AVEN: variants seen among roughly 807,000 people sequenced by gnomAD.
AVEN encodes apoptosis and caspase activation inhibitor.
In AVEN, 41 loss-of-function variants were observed where a neutral mutation model predicts 38.1. The observed-to-expected ratio is 1.08, with a 90% CI of 0.84 to 1.40. The LOEUF (loss-of-function observed/expected upper bound fraction) is 1.40. AVEN is among the 40% of genes most tolerant of loss of function. The pLI, the probability that AVEN is intolerant of heterozygous loss-of-function variation, is 0.00. For missense variants in AVEN, 605 were observed against 438.8 expected, an observed-to-expected ratio of 1.38 and a Z score of -3.38; for synonymous variants, 206 against 171.8, an observed-to-expected ratio of 1.20 and a Z score of -1.56.
intron 2 of AVEN, among the ~76,000 whole-genome samples, chr15:33,931,526 A>G (rs1275840520): frequency 6.6e-6 from 1 of 151,706 alleles, no homozygotes; most frequent in East Asian, 1.9e-4. Flanking sequence ...ACCCGCCACC[A>G]CACCCAGCTA....
At chr15:34,057,529 G>T (rs910147888) in intron 5 of AVEN, among the ~76,000 whole-genome samples, 1 of 152,074 alleles carries the variant, frequency 6.6e-6, no homozygotes, top group Non-Finnish European at 1.5e-5. Context: ...ATACAACATG[G>T]GTTATCTCAT....
rs776782194 is a variant in AVEN, at chr15:33,866,691, CATGTTTT to C, written c.1004_1010del (p.Lys335ArgfsTer24). The C allele has an allele frequency of 1.9e-6, 3 of 1,613,876 alleles. No individual in the cohort carries two copies. The East Asian group carries it at 6.7e-5, about 36-fold the overall frequency. On this transcript the variant is annotated frameshift_variant, in exon 6 of 6. Coordinates refer to ENST00000306730, the MANE Select transcript of AVEN (RefSeq NM_020371.3). LOFTEE classifies it high-confidence loss of function. ...TGGAGGTACTTGGTTGCTCAGGTTC[CATGTTTT>C]TTTCTTCAGTCACAGATGGTTTTGC...
At chr15:33,973,837 G>A (rs971678626) in intron 2 of AVEN, among the ~76,000 whole-genome samples, 1 of 152,224 alleles carries the variant, frequency 6.6e-6, no homozygotes, top group African/African-American at 2.4e-5. Flanking sequence ...ATCAGCAGAT[G>A]TGTTAAATGA....
At chr15:34,008,726 G>A (rs1218684519) in intron 1 of AVEN, among the ~76,000 whole-genome samples, 13 of 151,958 alleles carry the variant, frequency 8.6e-5, no homozygotes, top group Admixed American at 6.6e-4. Context: ...CTGACCTCGT[G>A]ATCTGCCCGC....
At position 34,063,740 on chromosome 15, in the gene AVEN, G is replaced by A. The variant is rs1385024940; in HGVS notation, n.1127-308C>T. 6.2e-7 allele frequency: 1 copy of A among 1,614,108 alleles called. No homozygotes were observed. Among genetic ancestry groups the A allele is most frequent in the African/African-American group, 1.3e-5 (1 of 74,932 alleles). ...CAGGGGAAGAATTCAGTGCTGAAGA[G>A]ACTGAGGAAACTTTTGTGAAAGCTG... On this transcript the variant is annotated intron_variant and non_coding_transcript_variant, in intron 4 of 11. Transcript: ENST00000675287. The surrounding 1 kb of genome is among the most constrained non-coding windows in gnomAD (Gnocchi z 4.1).
At chr15:33,857,992 C>T, downstream of AVEN, 1 of 1,577,278 alleles carries the variant, frequency 6.3e-7, no homozygotes, top group Admixed American at 1.7e-5. Flanking sequence ...GGAAGAAGGG[C>T]TGTGTGGGGG....
chr15:33,921,193 G>T (rs655501), intron 2 of AVEN, among the ~76,000 whole-genome samples: 87,137 of 152,056 alleles, frequency 0.57, 26,821 homozygotes, highest in East Asian at 0.78. Flanking sequence ...CAGTATTCAA[G>T]TATTTTAACA....
intron 2 of AVEN, among the ~76,000 whole-genome samples, chr15:33,954,353 G>T (rs1259938191): frequency 6.6e-6 from 1 of 152,110 alleles, no homozygotes; most frequent in Admixed American, 6.5e-5. Context: ...ACATGCACAC[G>T]TATGTTTATT....
At chr15:34,000,504 G>C (rs1897096766) in intron 2 of AVEN, among the ~76,000 whole-genome samples, 1 of 152,174 alleles carries the variant, frequency 6.6e-6, no homozygotes, top group South Asian at 2.1e-4. Flanking sequence ...GCAATATCTA[G>C]AAAAGTTTAT....
chr15:33,962,128 G>A (rs957928935), intron 2 of AVEN, among the ~76,000 whole-genome samples: 1 of 151,906 alleles, frequency 6.6e-6, no homozygotes, highest in African/African-American at 2.4e-5. Flanking sequence ...GTAAGTGGCA[G>A]AGACAGGAAA....
At chr15:33,878,217 G>A (rs1010389661) in intron 2 of AVEN, among the ~76,000 whole-genome samples, 1 of 152,000 alleles carries the variant, frequency 6.6e-6, no homozygotes, top group Non-Finnish European at 1.5e-5. Context: ...TAAAATATAT[G>A]AAACGAAGAT....
Position 33,922,364 on chromosome 15 carries a change from C to T in AVEN, c.446-46369G>A, listed in dbSNP as rs868793573. 8.5e-5 allele frequency among the ~76,000 whole-genome samples: 13 copies of T among 152,282 alleles called. No individual in the cohort carries two copies. The Middle Eastern group carries it at 0.01, about 120-fold the overall frequency. ...GGCTATCCTGTACCTGAGGACTACTCGTATTCCTGAACATTATTAGTAAAC... is the reference window on the plus strand; with the variant it reads ...GGCTATCCTGTACCTGAGGACTACTTGTATTCCTGAACATTATTAGTAAAC... On this transcript the variant is annotated intron_variant, in intron 2 of 5. Coordinates refer to ENST00000306730, the MANE Select transcript of AVEN (RefSeq NM_020371.3).
At position 33,867,802 on chromosome 15, in the gene AVEN, G is replaced by A; in HGVS notation, c.666C>T (p.Gly222=). ...CCTTTAACTGCATCCCTAATCCCTT[G>A]CCATCATCAGTTCTCTTTGGTTTCA... is the stretch of plus-strand genomic sequence containing the variant. ...PQVKPKRTDD[G]KGLGMQLKGP... Residue 222 remains glycine (G), a synonymous_variant, in exon 5 of 6, where the codon GGC becomes GGT. Transcript: ENST00000306730. 1 of 1,611,590 alleles carries A rather than the reference G, an allele frequency of 6.2e-7. No individual in the cohort carries two copies. The highest frequency in any genetic ancestry group is 8.5e-7 in the Non-Finnish European group (1 of 1,179,234).
exon 2 of AVEN, among the ~76,000 whole-genome samples, chr15:34,070,600 A>T (rs1297332394): frequency 3.9e-5 from 6 of 152,082 alleles, no homozygotes; most frequent in Non-Finnish European, 8.8e-5. Context: ...TTATGAAGTG[A>T]TCACTTGGAT....
At chr15:34,065,173 AC>A in intron 4 of AVEN, 1 of 154,858 alleles carries the variant, frequency 6.5e-6, no homozygotes. Flanking sequence ...GCCCATTTGA[AC>A]CCATTTATTT....
At position 33,920,878 on chromosome 15, in the gene AVEN, C is replaced by T. The variant is rs565198482; in HGVS notation, c.446-44883G>A. 7.9e-5 allele frequency among the ~76,000 whole-genome samples: 12 copies of T among 152,162 alleles called. No homozygotes were observed. The South Asian group carries it at 1.7e-3, about 21-fold the overall frequency. ...AGCTTCTGCCTCCTGGGTTTTCAAG[C>T]GATACTCCTGCCTCAGCCCCCCAAG... On this transcript the variant is annotated intron_variant, in intron 2 of 5. Transcript: ENST00000306730.
At chr15:34,049,359 T>C (rs1899845742) in intron 5 of AVEN, among the ~76,000 whole-genome samples, 1 of 152,150 alleles carries the variant, frequency 6.6e-6, no homozygotes, top group South Asian at 2.1e-4. Flanking sequence ...GAGAGGAACA[T>C]AACAGACCTA....
chr15:33,868,964 C>T (rs540700080), intron 4 of AVEN, among the ~76,000 whole-genome samples: 7 of 152,310 alleles, frequency 4.6e-5, no homozygotes, highest in Admixed American at 2.6e-4. Flanking sequence ...TCACCGCTCT[C>T]GAGGGAAGGC....
At chr15:33,876,114 C>A in intron 2 of AVEN, 119 bp from the exon 3 acceptor site, 1 of 860,186 alleles carries the variant, frequency 1.2e-6, no homozygotes, top group Non-Finnish European at 1.8e-6. Flanking sequence ...AAGGGAGAGG[C>A]AAGGATAAAA....
Sources: gnomAD v4.1 joint callset for allele counts (sites outside exome capture counted in the v4.1 genomes callset) on GRCh38, gnomAD v4.1.1 for gene constraint, Gnocchi (gnomAD v3.1) non-coding constraint, MANE v1.5 for transcripts, NCBI Gene and HGNC (gene_info 2026-07-23, HGNC 2026-07-21) for gene names.